Variants in HDAC5 observed in about 807,000 individuals in gnomAD.
HDAC5 encodes the protein histone deacetylase 5.
In HDAC5, 25 loss-of-function variants were observed where a neutral mutation model predicts 133.3. That is an observed-to-expected ratio of 0.19 (90% CI 0.14 to 0.26). The LOEUF is 0.26. Among genes scored for constraint, HDAC5 ranks in the 10% least tolerant of loss-of-function variants. The probability of loss-of-function intolerance (pLI) is 1.00; values close to 1 mark genes in which losing one functional copy is unlikely to be tolerated. For missense variants in HDAC5, 1,041 were observed against 1,460.5 expected (o/e 0.71, Z 4.68); for synonymous variants, 589 against 610.8 (o/e 0.96, Z 0.53).
rs1177809895 is a variant in HDAC5 at position 44,083,842 on chromosome 17, T to C, written c.2318A>G (p.Gln773Arg). ...ACAAGGCAGCACAGCATACATCTTC[T>C]GGCTGATGGGGCCTGCATGGAAGAG... ...DSKKLLGPISQKMYAVLPCGG... is the reference protein window; with the variant it reads ...DSKKLLGPISRKMYAVLPCGG... The change falls in exon 17 of 27, where the codon CAG becomes CGG. Residue 773 changes from glutamine (Q) to arginine (R), a missense_variant. By Grantham distance (43) the Gln-to-Arg change is conservative (BLOSUM62 1). Around this residue, in one of 9 missense-constraint regions of HDAC5, gnomAD observed 31 missense variants for 27.0 expected, o/e 1.15. Transcript: ENST00000682912. 1.2e-6 allele frequency: 2 copies of C among 1,612,974 alleles called. No individual in the cohort carries two copies. Among genetic ancestry groups the C allele is most frequent in the Non-Finnish European group, 1.7e-6 (2 of 1,179,550 alleles).
At chr17:44,096,142 G>C (rs1023788901) in intron 3 of HDAC5, among the ~76,000 whole-genome samples, 1 of 152,180 alleles carries the variant, frequency 6.6e-6, no homozygotes, top group African/African-American at 2.4e-5. Context: ...GCCCCACAAA[G>C]TCTCCAGCCA....
intron 3 of HDAC5, among the ~76,000 whole-genome samples, chr17:44,106,577 A>C (rs987338484): frequency 1.3e-5 from 2 of 151,740 alleles, no homozygotes; most frequent in Non-Finnish European, 2.9e-5. Flanking sequence ...CCTTTTAAAA[A>C]TCTGCACAAA....
At chr17:44,108,729 C>T (rs2052130613) in intron 3 of HDAC5, among the ~76,000 whole-genome samples, 1 of 104,020 alleles carries the variant, frequency 9.6e-6, no homozygotes, top group African/African-American at 3.4e-5. Context: ...CTATTTGAAA[C>T]ATCTATTTAC....
intron 14 of HDAC5, 187 bp from the exon 15 acceptor site, chr17:44,085,342 T>C: frequency 2.1e-6 from 1 of 476,194 alleles, no homozygotes; most frequent in Non-Finnish European, 3.7e-6. Flanking sequence ...TTTTTTTTTC[T>C]TTGAAACAGG....
In HDAC5 at chr17:44,092,280, C is replaced by T. The variant is rs750170598; in HGVS notation, c.924G>A (p.Ser308=). The change falls in exon 9 of 27, where the codon TCG becomes TCA. Residue 308 remains serine (S), a synonymous_variant. Coordinates refer to ENST00000682912, the MANE Select transcript of HDAC5 (RefSeq NM_005474.5). ...VEITGAGPGA[S]SVCNSAPGSG... is the part of the protein sequence containing the mutation. The stretch of plus-strand genomic sequence containing the variant: ...AGCCGGGTGCGCTGTTACACACGGA[C>T]GACGCTATAGGAGAAGTGGCTGTCA... 16 of 1,613,902 alleles carry T rather than the reference C, an allele frequency of 9.9e-6. No individual in the cohort carries two copies. The South Asian group carries it at 1.4e-4, about 14-fold the overall frequency.
In HDAC5 at chr17:44,083,824, A is replaced by G; in HGVS notation, c.2336T>C (p.Leu779Pro). ...GPISQKMYAV[L>P]PCGGIGVDSD... is the part of the protein sequence containing the mutation. ...ACTCACCCCGATGCCCCCACAAGGC[A>G]GCACAGCATACATCTTCTGGCTGAT... Residue 779 changes from leucine (L) to proline (P), a missense_variant, in exon 17 of 27, where the codon CTG (leucine) becomes CCG (proline). Leu to Pro is a moderately conservative substitution (Grantham distance 98). Around this residue, in one of 9 missense-constraint regions of HDAC5, gnomAD observed 174 missense variants for 352.7 expected, o/e 0.49. Transcript: ENST00000682912. 1 of 1,606,166 alleles carries G rather than the reference A, an allele frequency of 6.2e-7. No homozygotes were observed. The highest frequency in any genetic ancestry group is 8.5e-7 in the Non-Finnish European group (1 of 1,176,242).
At chr17:44,094,086 G>A (rs2051108278) in intron 3 of HDAC5, among the ~76,000 whole-genome samples, 1 of 152,190 alleles carries the variant, frequency 6.6e-6, no homozygotes, top group Admixed American at 6.5e-5. Flanking sequence ...AGTTTGGGAG[G>A]CTGAGGCAGG....
chr17:44,103,760 G>A (rs1178029002), intron 3 of HDAC5, among the ~76,000 whole-genome samples: 1 of 151,164 alleles, frequency 6.6e-6, no homozygotes, highest in Non-Finnish European at 1.5e-5. Context: ...CCAGGCTGGA[G>A]TGCAATGGCA....
chr17:44,089,747 C>CA (rs869263828), intron 11 of HDAC5, among the ~76,000 whole-genome samples: 22,426 of 34,032 alleles, frequency 0.66, 8,914 homozygotes, highest in Non-Finnish European at 0.79. Context: ...AACTTCGTCT[C>CA]AAAAAAAAAA....
At chr17:44,095,388 GGACT>G (rs1184399900) in intron 3 of HDAC5, among the ~76,000 whole-genome samples, 5 of 152,324 alleles carry the variant, frequency 3.3e-5, no homozygotes, top group African/African-American at 7.2e-5. Flanking sequence ...GTTGGTTCTA[GGACT>G]GACAGTGCCC....
chr17:44,110,849 C>T (rs1343788412), intron 2 of HDAC5, 49 bp from the exon 3 acceptor site: 6 of 1,490,678 alleles, frequency 4.0e-6, no homozygotes, highest in East Asian at 4.6e-5. Flanking sequence ...AGCATCTCCA[C>T]GAGCCCCTGA....
chr17:44,091,783 A>G lies in HDAC5; in HGVS notation c.1081T>C (p.Phe361Leu), dbSNP rs746724141. 9.4e-6 allele frequency: 15 copies of G among 1,601,218 alleles called. No individual in the cohort carries two copies. Among genetic ancestry groups the G allele is most frequent in the Admixed American group, 1.7e-5 (1 of 57,832 alleles). ...ALPLDSSPNQFSLYTSPSLPN... is the reference protein window; with the variant it reads ...ALPLDSSPNQLSLYTSPSLPN... Reference sequence around the variant, plus strand: ...AGAGAAGGAGACGTGTAGAGGCTGAACTGGTTGGGGGAGCTGTCCAGAGGG... The same window carrying G: ...AGAGAAGGAGACGTGTAGAGGCTGAGCTGGTTGGGGGAGCTGTCCAGAGGG... The change falls in exon 10 of 27, where the codon TTC (phenylalanine) becomes CTC (leucine). Residue 361 changes from phenylalanine (F) to leucine (L), a missense_variant. Phe to Leu is a conservative substitution (Grantham distance 22). Coordinates refer to ENST00000682912, the MANE Select transcript of HDAC5 (RefSeq NM_005474.5).
chr17:44,101,004 T>A (rs2051571088), intron 3 of HDAC5, among the ~76,000 whole-genome samples: 1 of 149,314 alleles, frequency 6.7e-6, no homozygotes, highest in Non-Finnish European at 1.5e-5. Flanking sequence ...TTGGTCAGGA[T>A]GATCTCAATC....
intron 23 of HDAC5, 196 bp from the exon 24 acceptor site, chr17:44,079,473 C>T (rs983841570): frequency 1.8e-5 from 9 of 511,054 alleles, no homozygotes; most frequent in Admixed American, 9.8e-5. Context: ...AACCCCGTCT[C>T]TACTAAAAAT....
chr17:44,087,378 G>A (rs2143168901), intron 13 of HDAC5, 34 bp downstream of exon 13: 2 of 756,984 alleles, frequency 2.6e-6, no homozygotes, highest in Admixed American at 3.5e-5. Context: ...CAGAGGGGTG[G>A]TGACCAAGGA....
Position 44,079,071 on chromosome 17 carries a change from C to T in HDAC5, c.3078+73G>A, listed in dbSNP as rs1326814820. 5 of 1,574,246 alleles carry T rather than the reference C, an allele frequency of 3.2e-6. No homozygotes were observed. The African/African-American group carries it at 6.8e-5, about 21-fold the overall frequency. On this transcript the variant is annotated intron_variant, in intron 24 of 26. Coordinates refer to ENST00000682912, the MANE Select transcript of HDAC5 (RefSeq NM_005474.5). ...AAGGAAAAGCTTCCTAAGGGGCTCCCAGTGCTGGCTGACCCCTTGCTGGCC... is the reference window on the plus strand; with the variant it reads ...AAGGAAAAGCTTCCTAAGGGGCTCCTAGTGCTGGCTGACCCCTTGCTGGCC...
chr17:44,080,195 G>A lies in HDAC5; in HGVS notation c.2856C>T (p.Phe952=). The part of the protein sequence containing the change: ...RTVVMPIAHE[F]SPDVVLVSAG... ...CGGAGACTAGGACCACATCAGGTGA[G>A]AACTCGTGGGCAATGGGCATCACCA... is the stretch of plus-strand genomic sequence containing the variant. The change falls in exon 23 of 27, where the codon TTC becomes TTT. Residue 952 remains phenylalanine (F), a synonymous_variant. Coordinates refer to ENST00000682912, the MANE Select transcript of HDAC5 (RefSeq NM_005474.5). 1.2e-6 allele frequency: 2 copies of A among 1,614,138 alleles called. No individual in the cohort carries two copies. Among genetic ancestry groups the A allele is most frequent in the South Asian group, 1.1e-5 (1 of 91,070 alleles).
At chr17:44,082,543 G>C in intron 20 of HDAC5, 42 bp downstream of exon 20, 15 of 1,494,980 alleles carry the variant, frequency 1.0e-5, no homozygotes, top group Non-Finnish European at 1.4e-5. Flanking sequence ...CCTGGTCCTA[G>C]CTCTACCCGC....
At chr17:44,090,258 T>C (rs907235951) in intron 11 of HDAC5, among the ~76,000 whole-genome samples, 2 of 152,032 alleles carry the variant, frequency 1.3e-5, no homozygotes, top group African/African-American at 2.4e-5. Flanking sequence ...CTGGGTAACA[T>C]AGCAAGATCC....
Sources: gnomAD v4.1 joint callset for allele counts (sites outside exome capture counted in the v4.1 genomes callset) on GRCh38, gnomAD v4.1.1 for gene constraint, gnomAD v4.1.1 regional missense constraint, MANE v1.5 for transcripts, NCBI Gene and HGNC (gene_info 2026-07-23, HGNC 2026-07-21) for gene names.